PIWIL1: variants seen among roughly 807,000 people sequenced by gnomAD.
PIWIL1 encodes piwi-like protein 1.
In PIWIL1, 73 loss-of-function variants were observed where a neutral mutation model predicts 114.4. The ratio of observed to expected loss-of-function variants is 0.64; its 90% CI spans 0.53 to 0.78. The LOEUF (loss-of-function observed/expected upper bound fraction) is 0.78, where lower values mean the gene tolerates loss of function less well. Ranked by LOEUF, PIWIL1 falls within the 30% of genes least tolerant of loss-of-function variation. The probability of loss-of-function intolerance (pLI) is 0.00; values close to 1 mark genes in which losing one functional copy is unlikely to be tolerated. For synonymous variants in PIWIL1, 375 were observed against 369.0 expected, an observed-to-expected ratio of 1.02 and a Z score of -0.19; for missense variants, 723 against 1,063.1, an observed-to-expected ratio of 0.68 and a Z score of 4.45.
At chr12:130,363,581 C>T (rs886246493) in intron 18 of PIWIL1, among the ~76,000 whole-genome samples, 1 of 143,908 alleles carries the variant, frequency 6.9e-6, no homozygotes, top group African/African-American at 2.6e-5. Flanking sequence ...AGCATCTAGT[C>T]TCATGGGGCA....
At chr12:130,398,011 A>G in the PIWIL1 span, 4 of 152,820 alleles carry the variant, frequency 2.6e-5, no homozygotes, top group African/African-American at 7.2e-5. Flanking sequence ...TTGGTATACT[A>G]TAGAAATATT....
At chr12:130,406,103 A>C in the PIWIL1 span, 1 of 1,075,144 alleles carries the variant, frequency 9.3e-7, no homozygotes, top group Non-Finnish European at 1.4e-6. Context: ...CGGACTAGCA[A>C]AACAAAACAC....
Position 130,346,595 on chromosome 12 carries a change from A to G in PIWIL1, c.531+11A>G. Reference sequence around the variant, plus strand: ...AGACTACAGCAAAAGGTTATTTGGGAAAAGGGAGATGGGGGATTTCCACTT... The same window carrying G: ...AGACTACAGCAAAAGGTTATTTGGGGAAAGGGAGATGGGGGATTTCCACTT... On this transcript the variant is annotated intron_variant, in intron 5 of 20. Transcript: ENST00000245255. The G allele has an allele frequency of 6.3e-7, 1 of 1,596,866 alleles. No homozygotes were observed. The highest frequency in any genetic ancestry group is 8.6e-7 in the Non-Finnish European group (1 of 1,165,260).
At chr12:130,348,968 A>G (rs12311924) in intron 7 of PIWIL1, among the ~76,000 whole-genome samples, 5,347 of 152,314 alleles carry the variant, frequency 0.035, 117 homozygotes, top group African/African-American at 0.06. Flanking sequence ...GGTGCTTTCA[A>G]TTAGATTGGC....
At chr12:130,406,332 A>G in the PIWIL1 span, 2 of 829,804 alleles carry the variant, frequency 2.4e-6, no homozygotes, top group Non-Finnish European at 3.9e-6. Flanking sequence ...TTCCCTTACT[A>G]TTTGAGAATT....
At chr12:130,385,531 A>T in the PIWIL1 span, among the ~76,000 whole-genome samples, 1 of 152,220 alleles carries the variant, frequency 6.6e-6, no homozygotes, top group Non-Finnish European at 1.5e-5. Context: ...GCTTTAATAT[A>T]TGATGCAGTT....
intron 19 of PIWIL1, among the ~76,000 whole-genome samples, chr12:130,370,265 C>T (rs1230801655): frequency 2.7e-5 from 4 of 150,648 alleles, no homozygotes; most frequent in South Asian, 2.1e-4. Flanking sequence ...AAAACTAATG[C>T]GTATTCCTTC....
At chr12:130,391,337 C>T in the PIWIL1 span, among the ~76,000 whole-genome samples, 1 of 152,214 alleles carries the variant, frequency 6.6e-6, no homozygotes, top group African/African-American at 2.4e-5. Flanking sequence ...CTCCTTTTCC[C>T]TCACAGTGTG....
intron 19 of PIWIL1, among the ~76,000 whole-genome samples, chr12:130,368,689 G>A (rs1360173639): frequency 6.6e-6 from 1 of 152,086 alleles, no homozygotes; most frequent in African/African-American, 2.4e-5. Context: ...AACGACCCCC[G>A]ATGCTTTCCA....
downstream of PIWIL1, among the ~76,000 whole-genome samples, chr12:130,373,778 C>T (rs1329181033): frequency 1.3e-5 from 2 of 152,154 alleles, no homozygotes; most frequent in East Asian, 1.9e-4. Flanking sequence ...TGGTTTTCAT[C>T]AGACAAACCT....
At position 130,346,573 on chromosome 12, in the gene PIWIL1, C is replaced by A. The variant is rs757822744; in HGVS notation, c.520C>A (p.Leu174Ile). Reference protein sequence around the residue: ...DGTILFLPKRLQQKVTEVFSK... With the variant: ...DGTILFLPKRIQQKVTEVFSK... ...AACGATATTATTTTTACCTAAAAGA[C>A]TACAGCAAAAGGTTATTTGGGAAAA... is the stretch of plus-strand genomic sequence containing the variant. Residue 174 changes from leucine to isoleucine, a missense_variant, in exon 5 of 21, where the codon CTA becomes ATA. Physicochemically the swap from Leu to Ile is conservative, Grantham distance 5. Around this residue, in one of 8 missense-constraint regions of PIWIL1, gnomAD observed 190 missense variants for 294.4 expected, o/e 0.65. Coordinates refer to ENST00000245255, the MANE Select transcript of PIWIL1 (RefSeq NM_004764.5). 6.2e-7 allele frequency: 1 copy of A among 1,612,142 alleles called. No homozygotes were observed. Among genetic ancestry groups the A allele is most frequent in the African/African-American group, 1.3e-5 (1 of 74,868 alleles).
chr12:130,399,727 A>C, the PIWIL1 span: 3 of 1,614,230 alleles, frequency 1.9e-6, no homozygotes, highest in South Asian at 3.3e-5. Flanking sequence ...AGTGGGATGG[A>C]GCATCAGAAA....
chr12:130,346,234 T>A, intron 4 of PIWIL1, 136 bp from the exon 5 acceptor site: 1 of 648,242 alleles, frequency 1.5e-6, no homozygotes, highest in Non-Finnish European at 2.7e-6. Flanking sequence ...CAAAGTCAGA[T>A]GTCTGAGGAC....
the PIWIL1 span, chr12:130,414,151 G>C: frequency 6.2e-7 from 1 of 1,614,206 alleles, no homozygotes. Context: ...TCTTTAAAGG[G>C]AAGCTCCTCC....
At chr12:130,412,495 AC>A in the PIWIL1 span, 1 of 911,198 alleles carries the variant, frequency 1.1e-6, no homozygotes, top group Non-Finnish European at 1.7e-6. Context: ...GTCAACATTT[AC>A]ATGACTTTGG....
intron 18 of PIWIL1, among the ~76,000 whole-genome samples, chr12:130,365,402 A>C (rs924005178): frequency 4.6e-5 from 7 of 152,250 alleles, no homozygotes; most frequent in African/African-American, 1.7e-4. Flanking sequence ...TCCAGTAAGT[A>C]TTCAATACAT....
the PIWIL1 span, chr12:130,398,055 A>G: frequency 6.5e-6 from 1 of 152,714 alleles, no homozygotes; most frequent in East Asian, 1.9e-4. Flanking sequence ...AAAAAAAAAA[A>G]CTAAAATGAA....
At chr12:130,360,355 G>A (rs10773769) in intron 14 of PIWIL1, among the ~76,000 whole-genome samples, 45,183 of 152,168 alleles carry the variant, frequency 0.3, 7,397 homozygotes, top group East Asian at 0.6. Flanking sequence ...CTGGATTCAG[G>A]CCAGGCGTGG....
chr12:130,367,025 C>T (rs993526969), intron 18 of PIWIL1, 108 bp from the exon 19 acceptor site: 166 of 1,284,722 alleles, frequency 1.3e-4, no homozygotes, highest in Non-Finnish European at 1.8e-4. Context: ...ATGATACGCC[C>T]CAGGAGGGAT....
Sources: allele counts gnomAD v4.1 joint callset (sites outside exome capture counted in the v4.1 genomes callset), GRCh38; gene constraint gnomAD v4.1.1; regional missense constraint gnomAD v4.1.1; transcripts MANE v1.5; gene names NCBI Gene and HGNC (gene_info 2026-07-23, HGNC 2026-07-21).